The following KIAA1191 variants were observed in gnomAD, a reference collection of about 807,000 sequenced individuals.
KIAA1191 encodes the protein KIAA1191.
In KIAA1191, 22 loss-of-function variants were observed where a neutral mutation model predicts 31.1. The observed-to-expected ratio is 0.71, with a 90% CI of 0.51 to 1.01. The LOEUF (loss-of-function observed/expected upper bound fraction) is 1.01, where lower values mean the gene tolerates loss of function less well. Ranked by LOEUF, KIAA1191 falls within the 50% of genes least tolerant of loss-of-function variation. The probability of loss-of-function intolerance (pLI) is 0.00; values close to 1 mark genes in which losing one functional copy is unlikely to be tolerated. For missense variants in KIAA1191, 319 were observed against 388.0 expected (o/e 0.82, Z 1.49); for synonymous variants, 130 against 143.9 (o/e 0.90, Z 0.69).
chr5:176,354,501 C>T (rs1767322510), intron 4 of KIAA1191: 1 of 152,130 alleles, frequency 6.6e-6, no homozygotes, highest in Admixed American at 6.6e-5. Context: ...TCCCTGAGGT[C>T]GGGAAGCAGA....
intron 3 of KIAA1191, among the ~76,000 whole-genome samples, chr5:176,358,856 G>A (rs988874164): frequency 3.9e-5 from 6 of 152,024 alleles, no homozygotes; most frequent in Non-Finnish European, 7.4e-5. Context: ...AGGCCGAGGC[G>A]GGCGGATCAC....
Position 176,347,505 on chromosome 5 carries a change from A to T in KIAA1191, c.*95T>A. ...CGTGAGCCACCACGCCCAGCTGATT[A>T]AGTTTTTAAATATACCTTTCCTATG... On this transcript the variant is annotated 3_prime_UTR_variant, in exon 9 of 9. Coordinates refer to ENST00000298569, the MANE Select transcript of KIAA1191 (RefSeq NM_020444.5). 2.9e-6 allele frequency: 3 copies of T among 1,048,742 alleles called. No homozygotes were observed. Among genetic ancestry groups the T allele is most frequent in the Non-Finnish European group, 3.9e-6 (3 of 760,260 alleles). The allele number at this position is 1,048,742 out of a possible 1,614,324, so 65.0% of individuals were successfully genotyped here.
chr5:176,359,170 T>G (rs932318442), intron 3 of KIAA1191, among the ~76,000 whole-genome samples: 1 of 145,848 alleles, frequency 6.9e-6, no homozygotes. Flanking sequence ...AATACAAAAA[T>G]TAGCTGGGTG....
chr5:176,359,038 C>T (rs1431659738), intron 3 of KIAA1191, among the ~76,000 whole-genome samples: 4 of 137,698 alleles, frequency 2.9e-5, no homozygotes, highest in South Asian at 2.3e-4. Context: ...GAGCTGAGAT[C>T]GCGCCACTGC....
rs749427721 is a variant in KIAA1191 at position 176,350,624 on chromosome 5, C to T, written c.448G>A (p.Glu150Lys). The change falls in exon 6 of 9, where the codon GAA (glutamate) becomes AAA (lysine). Residue 150 changes from glutamate (E) to lysine (K), a missense_variant. Glu to Lys is a moderately conservative substitution (Grantham distance 56). Coordinates refer to ENST00000298569, the MANE Select transcript of KIAA1191 (RefSeq NM_020444.5). ...TEETKYLRVAEALHKLKLQSG... is the reference protein window; with the variant it reads ...TEETKYLRVAKALHKLKLQSG... ...TCCTAAGAGCTTACGTGGAGTGCTT[C>T]GGCCACTCGAAGGTACTTGGTCTCC... is the stretch of plus-strand genomic sequence containing the variant. 2 of 1,613,800 alleles carry T rather than the reference C, an allele frequency of 1.2e-6. No homozygotes were observed. Among genetic ancestry groups the T allele is most frequent in the Non-Finnish European group, 1.7e-6 (2 of 1,180,012 alleles).
intron 3 of KIAA1191, among the ~76,000 whole-genome samples, chr5:176,358,604 T>C (rs1767696908): frequency 6.6e-6 from 1 of 152,092 alleles, no homozygotes; most frequent in Non-Finnish European, 1.5e-5. Flanking sequence ...TAATCCCAGC[T>C]ACTCGAGGCT....
At chr5:176,350,305 C>G (rs558889933) in intron 6 of KIAA1191, among the ~76,000 whole-genome samples, 8 of 152,330 alleles carry the variant, frequency 5.3e-5, no homozygotes, top group Middle Eastern at 3.4e-3. Context: ...TTGTTCCTTT[C>G]CAGTTAAGCT....
At chr5:176,354,051 CG>C (rs1561755640) in intron 4 of KIAA1191, among the ~76,000 whole-genome samples, 1 of 152,214 alleles carries the variant, frequency 6.6e-6, no homozygotes, top group African/African-American at 2.4e-5. Flanking sequence ...CTGTTGGAGG[CG>C]GGGGGAAAAA....
At position 176,350,633 on chromosome 5, in the gene KIAA1191, G is replaced by A. The variant is rs1030299777; in HGVS notation, c.439C>T (p.Arg147Ter). 2.7e-5 allele frequency: 43 copies of A among 1,613,888 alleles called. No individual in the cohort carries two copies. The highest frequency in any genetic ancestry group is 9.3e-5 in the African/African-American group (7 of 74,898). ...GLTTEETKYL[R>*]VAEALHKLKL... is the part of the protein sequence containing the mutation. ...CTTACGTGGAGTGCTTCGGCCACTC[G>A]AAGGTACTTGGTCTCCTCGGTGGTG... Residue 147 changes from arginine (R) to a stop codon, truncating the protein, a stop_gained, in exon 6 of 9, where the codon CGA becomes TGA. Coordinates refer to ENST00000298569, the MANE Select transcript of KIAA1191 (RefSeq NM_020444.5). LOFTEE classifies it high-confidence loss of function.
intron 6 of KIAA1191, among the ~76,000 whole-genome samples, chr5:176,349,818 A>G (rs577115935): frequency 6.6e-6 from 1 of 151,922 alleles, no homozygotes; most frequent in South Asian, 2.1e-4. Context: ...CTCTTAAAAT[A>G]AAGCTTGGAA....
chr5:176,353,917 T>G (rs940511872), intron 4 of KIAA1191, among the ~76,000 whole-genome samples: 2 of 152,240 alleles, frequency 1.3e-5, no homozygotes, highest in Non-Finnish European at 2.9e-5. Context: ...TTTTGCTACT[T>G]GTTACATGGA....
intron 6 of KIAA1191, among the ~76,000 whole-genome samples, chr5:176,349,875 T>C (rs1236830812): frequency 6.6e-6 from 1 of 152,140 alleles, no homozygotes; most frequent in Admixed American, 6.5e-5. Context: ...ACAGCCCAAG[T>C]TTCTTAACTG....
At position 176,348,312 on chromosome 5, in the gene KIAA1191, CTG is replaced by C; in HGVS notation, c.502_503del (p.Gln168AlafsTer17). 1 of 1,613,774 alleles carries C rather than the reference CTG, an allele frequency of 6.2e-7. No homozygotes were observed. The highest frequency in any genetic ancestry group is 1.6e-4 in the Middle Eastern group (1 of 6,062). ...TTGGGGTGGACTGGGCTGATGCAGG[CTG>C]CCTCTCTTCTTTTGTTACCTCTCCA... is the stretch of plus-strand genomic sequence containing the variant. ...QSGEVTKEER[Q>X]PASAQSTPST... On this transcript the variant is annotated frameshift_variant, in exon 7 of 9. Coordinates refer to ENST00000298569, the MANE Select transcript of KIAA1191 (RefSeq NM_020444.5). LOFTEE classifies it high-confidence loss of function.
intron 3 of KIAA1191, among the ~76,000 whole-genome samples, chr5:176,357,499 CATCTT>C (rs1187702950): frequency 6.6e-6 from 1 of 152,190 alleles, no homozygotes; most frequent in Non-Finnish European, 1.5e-5. Flanking sequence ...TTACATCCCT[CATCTT>C]ATCTAATCCT....
Position 176,347,731 on chromosome 5 carries a change from T to C in KIAA1191, c.787A>G (p.Met263Val). ...TTCAAGGCTGCTGGATCTTCAGCCA[T>C]TCGGTTGGCCTGGGCACGTATCAGT... ...LELIRAQANR[M>V]AEDPAALKPP... Residue 263 changes from methionine (M) to valine (V), a missense_variant, in exon 9 of 9, where the codon ATG (methionine) becomes GTG (valine). Physicochemically the swap from Met to Val is conservative, Grantham distance 21. Transcript: ENST00000298569. The C allele has an allele frequency of 6.2e-7, 1 of 1,610,192 alleles. No individual in the cohort carries two copies. Among genetic ancestry groups the C allele is most frequent in the Non-Finnish European group, 8.5e-7 (1 of 1,178,426 alleles).
rs1767436106 is a variant in KIAA1191 at position 176,355,529 on chromosome 5, A to G, written c.207+42T>C. ...AGGCTTCTGGAGCAGAGGAAGGACA[A>G]AGGGGTTGCGTATGCCAGAAATGGC... is the stretch of plus-strand genomic sequence containing the variant. On this transcript the variant is annotated intron_variant, in intron 4 of 8. Transcript: ENST00000298569. This position sits in a 1 kb window ranked among gnomAD's most constrained non-coding sequence, Gnocchi z 4.2. The G allele has an allele frequency of 2.5e-6, 4 of 1,583,682 alleles. No homozygotes were observed. Among genetic ancestry groups the G allele is most frequent in the Non-Finnish European group, 3.4e-6 (4 of 1,160,348 alleles).
intron 1 of KIAA1191, among the ~76,000 whole-genome samples, chr5:176,360,153 ATTTT>A (rs200839926): frequency 8.1e-6 from 1 of 123,076 alleles, no homozygotes; most frequent in Admixed American, 8.5e-5. Flanking sequence ...CCCAATCCCA[ATTTT>A]TTTTTTTTTT....
chr5:176,349,475 T>C (rs1405434921), intron 6 of KIAA1191, among the ~76,000 whole-genome samples: 3 of 151,352 alleles, frequency 2.0e-5, no homozygotes, highest in African/African-American at 4.9e-5. Flanking sequence ...AAGTCAGGAG[T>C]TCAAGACCAG....
In KIAA1191 at chr5:176,355,475, C is replaced by G; in HGVS notation, c.207+96G>C. On this transcript the variant is annotated intron_variant, in intron 4 of 8. Coordinates refer to ENST00000298569, the MANE Select transcript of KIAA1191 (RefSeq NM_020444.5). The surrounding 1 kb of genome is among the most constrained non-coding windows in gnomAD (Gnocchi z 4.2). ...AACACATACAGGGAGTGGTTGCTGC[C>G]CAGTCCCATGGGCACAGGGAGCCAC... 8.6e-7 allele frequency: 1 copy of G among 1,158,144 alleles called. No individual in the cohort carries two copies. The highest frequency in any genetic ancestry group is 1.2e-6 in the Non-Finnish European group (1 of 802,274). The allele number at this position is 1,158,144 out of a possible 1,614,324, so 71.7% of individuals were successfully genotyped here. A position where few individuals can be genotyped will look rare whatever the true frequency, so the allele number is the denominator to read the frequency against.
Sources: allele counts gnomAD v4.1 joint callset (sites outside exome capture counted in the v4.1 genomes callset), GRCh38; gene constraint gnomAD v4.1.1; non-coding constraint Gnocchi (gnomAD v3.1); transcripts MANE v1.5; gene names NCBI Gene and HGNC (gene_info 2026-07-23, HGNC 2026-07-21).